Variants in PDXDC1 observed in about 807,000 individuals in gnomAD.
The protein encoded by PDXDC1 is pyridoxal-dependent decarboxylase domain-containing protein 1.
PDXDC1 carries 42 observed loss-of-function variants against 100.1 expected under a neutral mutation model. That is an observed-to-expected ratio of 0.42 (90% CI 0.33 to 0.54). The LOEUF is 0.54. PDXDC1 is among the 20% of genes least tolerant of loss of function. The pLI is 0.10. For missense variants in PDXDC1, 636 were observed against 979.2 expected, an observed-to-expected ratio of 0.65 and a Z score of 4.68; for synonymous variants, 260 against 371.7, an observed-to-expected ratio of 0.70 and a Z score of 3.46.
chr16:15,065,280 C>T lies in PDXDC1; in HGVS notation c.1399+35224C>T, dbSNP rs368758496. On this transcript the variant is annotated intron_variant, in intron 16 of 16. Transcript: ENST00000535621. ...TCCAGCGGGTTTGTGCAGATCTGCA[C>T]TGAGTCTCCTCCAGCGGTACTCCTA... 23 of 1,613,892 alleles carry T rather than the reference C, an allele frequency of 1.4e-5. No individual in the cohort carries two copies. The highest frequency in any genetic ancestry group is 1.7e-5 in the Non-Finnish European group (20 of 1,179,838).
At chr16:15,058,238 G>A (rs1267849415) in intron 16 of PDXDC1, among the ~76,000 whole-genome samples, 3 of 152,096 alleles carry the variant, frequency 2.0e-5, no homozygotes, top group East Asian at 1.9e-4. Flanking sequence ...AGGCTGCAAT[G>A]AGGCACGACT....
chr16:15,032,745 CTT>C (rs1463738283), intron 17 of PDXDC1, 114 bp from the exon 18 acceptor site: 1 of 670,192 alleles, frequency 1.5e-6, no homozygotes, highest in Non-Finnish European at 2.7e-6. Context: ...CGCAGTAGCT[CTT>C]TTGCCCACTG....
At chr16:15,147,402 C>T in the PDXDC1 span, among the ~76,000 whole-genome samples, 1 of 152,230 alleles carries the variant, frequency 6.6e-6, no homozygotes, top group Non-Finnish European at 1.5e-5. Flanking sequence ...ATTTCCTGGT[C>T]TGTAAAATGA....
intron 5 of PDXDC1, among the ~76,000 whole-genome samples, chr16:15,004,981 C>T (rs555236798): frequency 1.3e-5 from 2 of 152,406 alleles, no homozygotes; most frequent in Non-Finnish European, 2.9e-5. Context: ...TTTACTCATG[C>T]TTGGTTGAAT....
chr16:15,094,030 C>T (rs956427006), intron 16 of PDXDC1: 40 of 896,378 alleles, frequency 4.5e-5, no homozygotes, highest in Non-Finnish European at 6.5e-5. Context: ...GACCCTCCAC[C>T]CCGTGCTCCT....
rs778606150 is a variant in PDXDC1 at position 15,047,455 on chromosome 16, C to T, written c.1399+17399C>T. The T allele has an allele frequency of 1.3e-5, 21 of 1,603,214 alleles. No homozygotes were observed. Among genetic ancestry groups the T allele is most frequent in the African/African-American group, 2.7e-5 (2 of 74,482 alleles). ...CGTAGATCTCACCTTCCACATTGAG[C>T]GTGGTCAGAAAAGGATTTTATGGAG... On this transcript the variant is annotated intron_variant, in intron 16 of 16. Transcript: ENST00000535621.
At chr16:15,047,604 G>T in intron 16 of PDXDC1, 1 of 1,297,350 alleles carries the variant, frequency 7.7e-7, no homozygotes, top group Non-Finnish European at 1.1e-6. Context: ...AGTGCAGTGC[G>T]CAGGCCGAGA....
At chr16:15,094,470 C>T (rs913852275) in intron 16 of PDXDC1, 3 of 570,076 alleles carry the variant, frequency 5.3e-6, no homozygotes, top group African/African-American at 1.9e-5. Context: ...ACGGGAAGGA[C>T]CGGCTCCATC....
chr16:15,005,317 A>AAAAAAAG (rs5816114), intron 5 of PDXDC1, among the ~76,000 whole-genome samples: 25,885 of 144,088 alleles, frequency 0.18, 665 homozygotes, highest in Non-Finnish European at 0.2. Context: ...AAAAAAAAAA[A>AAAAAAAG]AAAGAAAACT....
At chr16:15,044,117 A>T (rs1367826967) in intron 16 of PDXDC1, among the ~76,000 whole-genome samples, 1 of 152,126 alleles carries the variant, frequency 6.6e-6, no homozygotes, top group Non-Finnish European at 1.5e-5. Context: ...CTGTTTTAGT[A>T]GAAAATCTTG....
At chr16:15,056,287 A>C (rs371499757) in intron 16 of PDXDC1, among the ~76,000 whole-genome samples, 1 of 152,204 alleles carries the variant, frequency 6.6e-6, no homozygotes, top group Non-Finnish European at 1.5e-5. Context: ...GGAGTGAAGG[A>C]GCGGGGAAAG....
At chr16:15,040,186 T>G, downstream of PDXDC1, 1 of 538,918 alleles carries the variant, frequency 1.9e-6, no homozygotes, top group Non-Finnish European at 3.3e-6. Flanking sequence ...GAATGGCTCC[T>G]AAGTATCTGG....
downstream of PDXDC1, chr16:15,039,898 A>C (rs1019469083): frequency 6.9e-6 from 6 of 872,800 alleles, no homozygotes; most frequent in African/African-American, 6.7e-5. Flanking sequence ...CTAAGATCCC[A>C]AAAACTTAAG....
Position 15,134,105 on chromosome 16 carries a change from A to G in PDXDC1, c.1400-4774A>G, listed in dbSNP as rs1442018224. The G allele has an allele frequency of 2.0e-6, 3 of 1,499,392 alleles. No individual in the cohort carries two copies. In the Admixed American group the frequency reaches 5.4e-5, roughly 27 times the overall value. The allele number at this position is 1,499,392 out of a possible 1,614,324, so 92.9% of individuals were successfully genotyped here. A position where few individuals can be genotyped will look rare whatever the true frequency, so the allele number is the denominator to read the frequency against. The stretch of plus-strand genomic sequence containing the variant: ...GGCAGAAGGGGTGGTGAGGGGGCGC[A>G]ACCCTCTGCCCTGTCAGCCCCACTT... On this transcript the variant is annotated intron_variant, in intron 16 of 16. Coordinates refer to the PDXDC1 transcript ENST00000535621.
intron 16 of PDXDC1, chr16:15,074,676 C>A: frequency 1.3e-6 from 2 of 1,487,768 alleles, no homozygotes; most frequent in Non-Finnish European, 1.8e-6. Context: ...CAGCACAAAG[C>A]CAGGTACACT....
chr16:14,990,425 T>C (rs945673857), intron 1 of PDXDC1, among the ~76,000 whole-genome samples: 3 of 152,308 alleles, frequency 2.0e-5, no homozygotes, highest in African/African-American at 7.2e-5. Context: ...CCCACAGCTA[T>C]TGAGGATAAG....
chr16:15,028,298 G>C (rs1217654837), intron 14 of PDXDC1, among the ~76,000 whole-genome samples: 2 of 152,280 alleles, frequency 1.3e-5, no homozygotes, highest in East Asian at 3.8e-4. Flanking sequence ...TCACCATTTC[G>C]GTCTCCACTA....
At chr16:15,129,199 T>A in intron 16 of PDXDC1, among the ~76,000 whole-genome samples, 1 of 151,498 alleles carries the variant, frequency 6.6e-6, no homozygotes, top group South Asian at 2.1e-4. Context: ...CCAGGTGTGG[T>A]GGCTCACACC....
chr16:14,976,163 A>G (rs918914203), intron 1 of PDXDC1, among the ~76,000 whole-genome samples: 5 of 152,296 alleles, frequency 3.3e-5, no homozygotes, highest in Non-Finnish European at 5.9e-5. Flanking sequence ...GGTACCTGAC[A>G]TTCTGCCCTC....
Sources: allele counts gnomAD v4.1 joint callset (sites outside exome capture counted in the v4.1 genomes callset), GRCh38; gene constraint gnomAD v4.1.1; transcripts MANE v1.5; gene names NCBI Gene and HGNC (gene_info 2026-07-23, HGNC 2026-07-21).